Variants in UGT2B10 observed in about 807,000 individuals in gnomAD.
UGT2B10 encodes the protein UDP-glucuronosyltransferase 2B10.
In UGT2B10, 51 loss-of-function variants were observed where a neutral mutation model predicts 43.7. The ratio of observed to expected loss-of-function variants is 1.17; its 90% CI spans 0.93 to 1.47. The LOEUF (loss-of-function observed/expected upper bound fraction) is 1.47, where lower values mean the gene tolerates loss of function less well. UGT2B10 is among the 40% of genes most tolerant of loss of function. The pLI is 0.00. For synonymous variants in UGT2B10, 225 were observed against 209.0 expected, an observed-to-expected ratio of 1.08 and a Z score of -0.66; for missense variants, 696 against 617.7, an observed-to-expected ratio of 1.13 and a Z score of -1.34.
chr4:68,822,236 C>A, intron 2 of UGT2B10, 35 bp from the exon 3 acceptor site: 3 of 1,607,728 alleles, frequency 1.9e-6, no homozygotes, highest in Non-Finnish European at 2.5e-6. Flanking sequence ...TGGTGATACT[C>A]TTTTATGATG....
At chr4:68,817,194 C>G (rs1023839089) in intron 1 of UGT2B10, among the ~76,000 whole-genome samples, 3 of 151,644 alleles carry the variant, frequency 2.0e-5, no homozygotes, top group Non-Finnish European at 4.4e-5. Flanking sequence ...TCCCATGTTA[C>G]CAGGAGGTTG....
Position 68,829,680 on chromosome 4 carries a change from A to C in UGT2B10, c.1308-920A>C, listed in dbSNP as rs180998073. On this transcript the variant is annotated intron_variant, in intron 5 of 5. Coordinates refer to ENST00000265403, the MANE Select transcript of UGT2B10 (RefSeq NM_001075.6). ...GAGAGAAGCATGCCTTGGGTATAGCAAGAAAGAATACTCCAAGAGCGGGAG... is the reference window on the plus strand; with the variant it reads ...GAGAGAAGCATGCCTTGGGTATAGCCAGAAAGAATACTCCAAGAGCGGGAG... Among the ~76,000 whole-genome samples the C allele has an allele frequency of 1.7e-3, 262 of 152,186 alleles. 2 individuals are homozygous for C. The highest frequency in any genetic ancestry group is 3.2e-3 in the Non-Finnish European group (218 of 67,970).
intron 2 of UGT2B10, among the ~76,000 whole-genome samples, chr4:68,821,412 C>T (rs1320868948): frequency 6.6e-6 from 1 of 152,120 alleles, no homozygotes; most frequent in Non-Finnish European, 1.5e-5. Flanking sequence ...AGTGCTGCCT[C>T]TGAGACACAA....
chr4:68,825,739 T>A (rs1297845777), intron 3 of UGT2B10, among the ~76,000 whole-genome samples: 1 of 152,152 alleles, frequency 6.6e-6, no homozygotes, highest in African/African-American at 2.4e-5. Flanking sequence ...CAGTCCATAA[T>A]TGATGGTCAT....
intron 1 of UGT2B10, 135 bp from the exon 2 acceptor site, chr4:68,817,894 G>C: frequency 1.0e-6 from 1 of 1,001,862 alleles, no homozygotes; most frequent in South Asian, 2.0e-5. Context: ...TCCTATATAT[G>C]AATATATGTA....
intron 3 of UGT2B10, among the ~76,000 whole-genome samples, chr4:68,823,517 A>C (rs1737619315): frequency 6.6e-6 from 1 of 152,070 alleles, no homozygotes; most frequent in Non-Finnish European, 1.5e-5. Context: ...AAAAAAAGTA[A>C]ACTAGTAAAC....
In UGT2B10 at chr4:68,818,823, A is replaced by T. The variant is rs1178604964; in HGVS notation, c.867+646A>T. 4.0e-5 allele frequency among the ~76,000 whole-genome samples: 6 copies of T among 151,854 alleles called. No homozygotes were observed. The East Asian group carries it at 1.2e-3, about 29-fold the overall frequency. On this transcript the variant is annotated intron_variant, in intron 2 of 5. Coordinates refer to ENST00000265403, the MANE Select transcript of UGT2B10 (RefSeq NM_001075.6). The stretch of plus-strand genomic sequence containing the variant: ...AGTTTGCAGGGAATGATTAAGAATC[A>T]GATGACCCTAAAAGGTAAATTAGAG...
At chr4:68,822,949 T>C (rs1737584863) in intron 3 of UGT2B10, among the ~76,000 whole-genome samples, 1 of 152,140 alleles carries the variant, frequency 6.6e-6, no homozygotes. Flanking sequence ...GCCACCTCTA[T>C]TACTTATTGT....
intron 2 of UGT2B10, among the ~76,000 whole-genome samples, chr4:68,819,926 C>T (rs552613157): frequency 2.0e-5 from 3 of 152,086 alleles, no homozygotes; most frequent in East Asian, 1.9e-4. Flanking sequence ...ATCATTTTTG[C>T]TTGCATAAAA....
intron 3 of UGT2B10, among the ~76,000 whole-genome samples, chr4:68,823,278 C>A (rs576531001): frequency 3.3e-5 from 5 of 151,932 alleles, no homozygotes; most frequent in African/African-American, 7.2e-5. Context: ...GAGGCCAAGG[C>A]GGGCAGATCA....
chr4:68,819,980 T>C (rs1237285743), intron 2 of UGT2B10, among the ~76,000 whole-genome samples: 1 of 152,058 alleles, frequency 6.6e-6, no homozygotes, highest in South Asian at 2.1e-4. Flanking sequence ...CTATGTTTAA[T>C]GCAAGTTGTA....
chr4:68,827,236 G>T, intron 4 of UGT2B10, 93 bp from the exon 5 acceptor site: 1 of 1,588,362 alleles, frequency 6.3e-7, no homozygotes, highest in Non-Finnish European at 8.6e-7. Context: ...AGTTCAGTGT[G>T]TTATCTAGAA....
At chr4:68,829,792 G>T (rs1337326281) in intron 5 of UGT2B10, among the ~76,000 whole-genome samples, 1 of 152,062 alleles carries the variant, frequency 6.6e-6, no homozygotes, top group Non-Finnish European at 1.5e-5. Context: ...AAGACAGTGT[G>T]CAGGTAAAAG....
In UGT2B10 at chr4:68,831,713, T is replaced by A. The variant is rs1738107795; in HGVS notation, c.*834T>A. Reference sequence around the variant, plus strand: ...TCCAAAGCTCTCTTGTTTCTAGTTGTTTTCTTGGTCTTAACTACCCATTAT... The same window carrying A: ...TCCAAAGCTCTCTTGTTTCTAGTTGATTTCTTGGTCTTAACTACCCATTAT... On this transcript the variant is annotated 3_prime_UTR_variant, in exon 6 of 6. Coordinates refer to ENST00000265403, the MANE Select transcript of UGT2B10 (RefSeq NM_001075.6). Among the ~76,000 whole-genome samples, 1 of 152,250 alleles carries A rather than the reference T, an allele frequency of 6.6e-6. No homozygotes were observed. Among genetic ancestry groups the A allele is most frequent in the African/African-American group, 2.4e-5 (1 of 41,578 alleles).
rs1206344553 is a variant in UGT2B10, at chr4:68,822,281, A to C, written c.878A>C (p.Glu293Ala). 5.6e-6 allele frequency: 9 copies of C among 1,611,778 alleles called. No homozygotes were observed. Among genetic ancestry groups the C allele is most frequent in the East Asian group, 2.2e-5 (1 of 44,820 alleles). ...PAKPLPKEME[E>A]FVQSSGENGV... is the part of the protein sequence containing the mutation. ...TTCTTTTTCCCACAGGAAATGGAGG[A>C]GTTTGTACAGAGCTCTGGAGAAAAT... The change falls in exon 3 of 6, where the codon GAG (glutamate) becomes GCG (alanine). Residue 293 changes from glutamate to alanine, a missense_variant. Coordinates refer to ENST00000265403, the MANE Select transcript of UGT2B10 (RefSeq NM_001075.6).
chr4:68,829,100 A>G (rs1221624687), intron 5 of UGT2B10, among the ~76,000 whole-genome samples: 1 of 152,036 alleles, frequency 6.6e-6, no homozygotes, highest in Admixed American at 6.6e-5. Flanking sequence ...AACAGTGTCC[A>G]AAAAGCGTTA....
chr4:68,823,129 T>C (rs35887929), intron 3 of UGT2B10, among the ~76,000 whole-genome samples: 5,946 of 152,234 alleles, frequency 0.039, 166 homozygotes, highest in South Asian at 0.09. Context: ...ATAGCATGAT[T>C]GAATGTCATT....
intron 2 of UGT2B10, among the ~76,000 whole-genome samples, chr4:68,820,166 G>C (rs1312551741): frequency 2.0e-5 from 3 of 152,050 alleles, no homozygotes; most frequent in Admixed American, 6.6e-5. Flanking sequence ...AAAAAAGGTT[G>C]ACTGGTAGTA....
intron 3 of UGT2B10, among the ~76,000 whole-genome samples, chr4:68,824,872 C>G (rs1172731282): frequency 1.3e-5 from 2 of 152,028 alleles, no homozygotes; most frequent in African/African-American, 2.4e-5. Flanking sequence ...ATTCATGATA[C>G]CAACATGTTC....
Sources: gnomAD v4.1 joint callset for allele counts (sites outside exome capture counted in the v4.1 genomes callset) on GRCh38, gnomAD v4.1.1 for gene constraint, MANE v1.5 for transcripts, NCBI Gene and HGNC (gene_info 2026-07-23, HGNC 2026-07-21) for gene names.